The following ASB2 variants were observed in gnomAD, a reference collection of about 807,000 sequenced individuals.
ASB2 encodes ankyrin repeat and SOCS box containing 2, also known as ankyrin repeat and SOCS box protein 2.
A neutral mutation model predicts 62.4 loss-of-function variants in ASB2; 58 were observed. The ratio of observed to expected loss-of-function variants is 0.93; its 90% CI spans 0.75 to 1.16. ASB2 has a LOEUF of 1.16. Among genes scored for constraint, ASB2 ranks in the 50% most tolerant of loss-of-function variants. The pLI, the probability that ASB2 is intolerant of heterozygous loss-of-function variation, is 0.00. For missense variants in ASB2, 928 were observed against 887.9 expected (o/e 1.05, Z -0.57); for synonymous variants, 386 against 385.3 (o/e 1.00, Z -0.02).
At chr14:93,941,848 G>A (rs1316431239) in intron 7 of ASB2, among the ~76,000 whole-genome samples, 3 of 152,248 alleles carry the variant, frequency 2.0e-5, no homozygotes, top group Non-Finnish European at 4.4e-5. Context: ...ATCTTACTGC[G>A]GCAGGACTCT....
intron 7 of ASB2, chr14:93,941,423 A>G: frequency 3.2e-6 from 1 of 311,556 alleles, no homozygotes; most frequent in South Asian, 2.5e-5. Context: ...ATCTGATGCC[A>G]GCGACCTCCT....
In ASB2 at chr14:93,939,220, C is replaced by T; in HGVS notation, c.1505G>A (p.Gly502Asp). Residue 502 changes from glycine to aspartate, a missense_variant, in exon 8 of 10, where the codon GGC (glycine) becomes GAC (aspartate). Physicochemically the swap from Gly to Asp is moderately conservative, Grantham distance 94. Transcript: ENST00000555019. Reference sequence around the variant, plus strand: ...GTAGAGGCATGAGAAGCAGGGCTCGCCGTCGCAGCCCAGGTCCATGAGGAA... The same window carrying T: ...GTAGAGGCATGAGAAGCAGGGCTCGTCGTCGCAGCCCAGGTCCATGAGGAA... ...LKFLMDLGCD[G>D]EPCFSCLYGN... 2 of 1,607,524 alleles carry T rather than the reference C, an allele frequency of 1.2e-6. No individual in the cohort carries two copies. Among genetic ancestry groups the T allele is most frequent in the Non-Finnish European group, 1.7e-6 (2 of 1,175,640 alleles).
chr14:93,957,133 A>T, intron 2 of ASB2: 1 of 1,033,704 alleles, frequency 9.7e-7, no homozygotes, highest in Non-Finnish European at 1.3e-6. Context: ...ACCTCACCCC[A>T]CCCCCCGGTC....
chr14:93,952,784 ACACT>A (rs958011317), intron 5 of ASB2, among the ~76,000 whole-genome samples: 5 of 152,226 alleles, frequency 3.3e-5, no homozygotes, highest in Admixed American at 6.5e-5. Context: ...CACATACTAA[ACACT>A]CAATCAATGC....
Position 93,956,834 on chromosome 14 carries a change from G to T in ASB2, c.243C>A (p.Ala81=). The T allele has an allele frequency of 6.2e-7, 1 of 1,614,184 alleles. No homozygotes were observed. Among genetic ancestry groups the T allele is most frequent in the Non-Finnish European group, 8.5e-7 (1 of 1,180,016 alleles). Residue 81 remains alanine (A), a synonymous_variant, in exon 3 of 10, where the codon GCC becomes GCA. Coordinates refer to ENST00000555019, the MANE Select transcript of ASB2 (RefSeq NM_001202429.2). The stretch of plus-strand genomic sequence containing the variant: ...TGACCCCTTGGAACAAGCCCATTGG[G>T]GCCCGGGCCGGCGAACTCTCAGGAG... ...TAPPESSPAR[A]PMGLFQGVMQ...
In ASB2 at chr14:93,939,526, G is replaced by T. The variant is rs768660473; in HGVS notation, c.1199C>A (p.Ala400Asp). Reference sequence around the variant, plus strand: ...TTCGTAGAGGCGCGCGCGCTCGGGGGCCAGCGGCGTGTTCACGTCGAAGCG... The same window carrying T: ...TTCGTAGAGGCGCGCGCGCTCGGGGTCCAGCGGCGTGTTCACGTCGAAGCG... ...SARFDVNTPLAPERARLYEDR... is the reference protein window; with the variant it reads ...SARFDVNTPLDPERARLYEDR... Residue 400 changes from alanine (A) to aspartate (D), a missense_variant, in exon 8 of 10, where the codon GCC becomes GAC. By Grantham distance (126) the Ala-to-Asp change is moderately radical (BLOSUM62 -2). Transcript: ENST00000555019. 2.2e-5 allele frequency: 35 copies of T among 1,603,582 alleles called. No individual in the cohort carries two copies. The South Asian group carries it at 3.9e-4, about 18-fold the overall frequency.
chr14:93,939,778 C>G (rs1409149352), intron 7 of ASB2, 106 bp from the exon 8 acceptor site: 2 of 946,104 alleles, frequency 2.1e-6, no homozygotes, highest in East Asian at 6.6e-5. Flanking sequence ...GGCTGGTCGC[C>G]CTGACCGCGG....
At chr14:93,960,674 C>T (rs978821364) in intron 2 of ASB2, among the ~76,000 whole-genome samples, 1 of 152,112 alleles carries the variant, frequency 6.6e-6, no homozygotes, top group African/African-American at 2.4e-5. Context: ...CAAAGCTTGG[C>T]AAATGATCCT....
At chr14:93,952,089 G>C (rs1306918368) in intron 5 of ASB2, among the ~76,000 whole-genome samples, 3 of 152,228 alleles carry the variant, frequency 2.0e-5, no homozygotes, top group South Asian at 2.1e-4. Flanking sequence ...CTGGCAGCAG[G>C]GGGAGGAGGG....
intron 1 of ASB2, among the ~76,000 whole-genome samples, chr14:93,975,795 T>C (rs1206568985): frequency 6.6e-6 from 1 of 152,174 alleles, no homozygotes; most frequent in African/African-American, 2.4e-5. Flanking sequence ...ATCCCACCCA[T>C]CCTTTCAAAG....
At position 93,939,135 on chromosome 14, in the gene ASB2, CGCGG is replaced by C; in HGVS notation, c.1586_1589del (p.Pro529ArgfsTer20). On this transcript the variant is annotated frameshift_variant, in exon 8 of 10. Transcript: ENST00000555019. LOFTEE classifies it high-confidence loss of function. ...GCACCACGCTGGGCTCCTTGTCGGCCGCGGGCGCGTCGTTGAACCTGCTGGAGGG... is the reference window on the plus strand; with the variant it reads ...GCACCACGCTGGGCTCCTTGTCGGCCGCGCGTCGTTGAACCTGCTGGAGGG... 6.5e-7 allele frequency: 1 copy of C among 1,544,306 alleles called. No homozygotes were observed. The highest frequency in any genetic ancestry group is 8.8e-7 in the Non-Finnish European group (1 of 1,141,606).
chr14:93,961,851 C>T (rs1486714281), intron 2 of ASB2, among the ~76,000 whole-genome samples: 1 of 152,178 alleles, frequency 6.6e-6, no homozygotes, highest in African/African-American at 2.4e-5. Context: ...AAAACTTCAC[C>T]TCAAGGTGGG....
intron 1 of ASB2, among the ~76,000 whole-genome samples, chr14:93,971,091 T>C (rs1889744560): frequency 6.6e-6 from 1 of 152,316 alleles, no homozygotes; most frequent in Non-Finnish European, 1.5e-5. Flanking sequence ...TCCAAGGGAT[T>C]TGAATTCCCA....
chr14:93,950,560 G>A (rs12880481), intron 6 of ASB2, among the ~76,000 whole-genome samples: 30,587 of 152,162 alleles, frequency 0.2, 3,187 homozygotes, highest in African/African-American at 0.27. Flanking sequence ...TGTTGCTTGA[G>A]GTTCCTTCTG....
chr14:93,957,350 GC>G (rs902250744), intron 2 of ASB2: 4 of 1,027,826 alleles, frequency 3.9e-6, no homozygotes, highest in African/African-American at 1.7e-5. Flanking sequence ...CTGTACCTGT[GC>G]CCCCCACGCC....
chr14:93,959,492 C>T (rs1889336195), intron 2 of ASB2, among the ~76,000 whole-genome samples: 1 of 152,206 alleles, frequency 6.6e-6, no homozygotes, highest in Non-Finnish European at 1.5e-5. Flanking sequence ...AGGCTGGAGG[C>T]CCCATTTCCC....
At position 93,937,810 on chromosome 14, in the gene ASB2, C is replaced by T. The variant is rs377415399; in HGVS notation, c.1659G>A (p.Ala553=). The T allele has an allele frequency of 1.1e-5, 18 of 1,610,156 alleles. No homozygotes were observed. In the East Asian group the frequency reaches 2.0e-4, roughly 18 times the overall value. ...FVSAPEVSRW[A]GPIIDVLLDY... is the part of the protein sequence containing the mutation. ...CCAGGAGGACATCGATGATGGGCCC[C>T]GCCCAGCGGCTCACCTCTGGGGCAG... Residue 553 remains alanine, a synonymous_variant, in exon 9 of 10, where the codon GCG becomes GCA. Coordinates refer to ENST00000555019, the MANE Select transcript of ASB2 (RefSeq NM_001202429.2).
chr14:93,953,988 G>A (rs1889075849), intron 4 of ASB2, among the ~76,000 whole-genome samples: 1 of 152,184 alleles, frequency 6.6e-6, no homozygotes, highest in South Asian at 2.1e-4. Context: ...GCCGGGCACA[G>A]GCACAGCTGC....
intron 1 of ASB2, among the ~76,000 whole-genome samples, chr14:93,965,642 A>G (rs1296249191): frequency 6.6e-6 from 1 of 152,234 alleles, no homozygotes; most frequent in Non-Finnish European, 1.5e-5. Flanking sequence ...GTCCTGGCTG[A>G]ACATTGAATC....
Sources: gnomAD v4.1 joint callset for allele counts (sites outside exome capture counted in the v4.1 genomes callset) on GRCh38, gnomAD v4.1.1 for gene constraint, MANE v1.5 for transcripts, NCBI Gene and HGNC (gene_info 2026-07-23, HGNC 2026-07-21) for gene names.